SPIRE1: variants seen among roughly 807,000 people sequenced by gnomAD.
SPIRE1 encodes the protein protein spire homolog 1.
In SPIRE1, 40 loss-of-function variants were observed where a neutral mutation model predicts 94.1. The ratio of observed to expected loss-of-function variants is 0.43; its 90% CI spans 0.33 to 0.55. The LOEUF (loss-of-function observed/expected upper bound fraction) is 0.55. SPIRE1 is among the 20% of genes least tolerant of loss of function. The pLI is 0.06. For missense variants in SPIRE1, 838 were observed against 975.2 expected (o/e 0.86, Z 1.87); for synonymous variants, 376 against 371.7 (o/e 1.01, Z -0.13).
intron 4 of SPIRE1, among the ~76,000 whole-genome samples, chr18:12,531,854 A>G (rs1358229839): frequency 1.3e-5 from 2 of 152,206 alleles, no homozygotes; most frequent in Non-Finnish European, 2.9e-5. Flanking sequence ...AAATTTTACA[A>G]TTGAAACTGC....
chr18:12,531,980 T>C (rs2034695903), intron 4 of SPIRE1, among the ~76,000 whole-genome samples: 1 of 152,220 alleles, frequency 6.6e-6, no homozygotes, highest in Non-Finnish European at 1.5e-5. Flanking sequence ...ATGCACTCGA[T>C]GGATTGCTTA....
intron 10 of SPIRE1, among the ~76,000 whole-genome samples, chr18:12,471,685 T>C (rs1171263674): frequency 1.3e-5 from 2 of 152,232 alleles, no homozygotes; most frequent in African/African-American, 2.4e-5. Context: ...GTTCATGAGA[T>C]ACATGGACTT....
At chr18:12,555,817 TAGAGCAA>T (rs1454650903) in intron 2 of SPIRE1, among the ~76,000 whole-genome samples, 35 of 152,256 alleles carry the variant, frequency 2.3e-4, no homozygotes, top group Non-Finnish European at 4.0e-4. Context: ...AAGTCCTAGC[TAGAGCAA>T]TCAGACAACA....
At chr18:12,460,676 C>A (rs1421945646) in intron 12 of SPIRE1, among the ~76,000 whole-genome samples, 1 of 150,706 alleles carries the variant, frequency 6.6e-6, no homozygotes, top group African/African-American at 2.4e-5. Context: ...TGAGCCATTG[C>A]ACTCCAGCCT....
intron 2 of SPIRE1, among the ~76,000 whole-genome samples, chr18:12,585,083 CG>C (rs2036358998): frequency 6.6e-6 from 1 of 152,130 alleles, no homozygotes; most frequent in Non-Finnish European, 1.5e-5. Context: ...GGATTACAGG[CG>C]TGAGCTACCA....
At position 12,590,090 on chromosome 18, in the gene SPIRE1, C is replaced by CT. The variant is rs33962566; in HGVS notation, c.373-43187dup. Among the ~76,000 whole-genome samples, 287 of 143,044 alleles carry CT rather than the reference C, an allele frequency of 2.0e-3. 2 individuals carry two copies. The highest frequency in any genetic ancestry group is 3.1e-3 in the Non-Finnish European group (202 of 65,112). 93.8% of individuals were successfully genotyped at this position (143,044 alleles called of 152,430 possible). ...ATCCTAAAATGCCATCTCCTAATTT[C>CT]TTTTTTTTTTTTTTGAGACGGAGTT... is the stretch of plus-strand genomic sequence containing the variant. On this transcript the variant is annotated intron_variant, in intron 2 of 16. Coordinates refer to ENST00000409402, the MANE Select transcript of SPIRE1 (RefSeq NM_001128626.2).
intron 10 of SPIRE1, among the ~76,000 whole-genome samples, chr18:12,465,805 G>T (rs995777645): frequency 6.6e-6 from 1 of 152,102 alleles, no homozygotes; most frequent in East Asian, 1.9e-4. Context: ...TACATTGTGG[G>T]CCAGGTACGG....
At chr18:12,490,257 C>T (rs1209523524) in intron 8 of SPIRE1, among the ~76,000 whole-genome samples, 1 of 152,066 alleles carries the variant, frequency 6.6e-6, no homozygotes, top group Admixed American at 6.6e-5. Context: ...GTAGGGTTCC[C>T]ATTAGCAACT....
intron 4 of SPIRE1, among the ~76,000 whole-genome samples, chr18:12,533,493 T>C (rs761884782): frequency 1.2e-4 from 19 of 152,198 alleles, no homozygotes; most frequent in Non-Finnish European, 2.6e-4. Flanking sequence ...AGTGTGAATA[T>C]CCAATCATCA....
intron 12 of SPIRE1, among the ~76,000 whole-genome samples, chr18:12,455,390 T>C (rs1004407420): frequency 2.0e-5 from 3 of 152,204 alleles, no homozygotes; most frequent in African/African-American, 7.2e-5. Context: ...ATGAAACTAC[T>C]GGAGCATTTA....
At position 12,657,510 on chromosome 18, in the gene SPIRE1, A is replaced by C; in HGVS notation, c.337+20T>G. On this transcript the variant is annotated intron_variant, in intron 1 of 16. Coordinates refer to ENST00000409402, the MANE Select transcript of SPIRE1 (RefSeq NM_001128626.2). The stretch of plus-strand genomic sequence containing the variant: ...CGGGTGTTCCAAGAACTACGAGGGA[A>C]AGGGGCCCGGCGGCCTCACCCGCAA... 8.1e-7 allele frequency: 1 copy of C among 1,228,720 alleles called. No individual in the cohort carries two copies. The highest frequency in any genetic ancestry group is 1.0e-6 in the Non-Finnish European group (1 of 985,234). The allele number at this position is 1,228,720 out of a possible 1,614,324, so 76.1% of individuals were successfully genotyped here. A position where few individuals can be genotyped will look rare whatever the true frequency, so the allele number is the denominator to read the frequency against.
intron 4 of SPIRE1, among the ~76,000 whole-genome samples, chr18:12,527,416 T>A (rs922606597): frequency 2.0e-5 from 3 of 152,156 alleles, no homozygotes; most frequent in African/African-American, 7.2e-5. Flanking sequence ...AGTACTAACA[T>A]AAACAAAGGA....
chr18:12,620,926 T>C (rs1350411967), intron 2 of SPIRE1, among the ~76,000 whole-genome samples: 1 of 152,176 alleles, frequency 6.6e-6, no homozygotes, highest in Non-Finnish European at 1.5e-5. Context: ...ATCTACACTA[T>C]ATAAAGAACT....
At chr18:12,524,362 A>G (rs2034442688) in intron 4 of SPIRE1, among the ~76,000 whole-genome samples, 1 of 152,236 alleles carries the variant, frequency 6.6e-6, no homozygotes, top group Non-Finnish European at 1.5e-5. Context: ...ATTCAGAAGA[A>G]TTTGGCCGAT....
At chr18:12,544,716 C>T (rs2035111731) in intron 3 of SPIRE1, among the ~76,000 whole-genome samples, 1 of 152,134 alleles carries the variant, frequency 6.6e-6, no homozygotes, top group Admixed American at 6.5e-5. Flanking sequence ...GTTAGGGAAC[C>T]ACAGTAGCTC....
chr18:12,532,093 A>G (rs1269279195), intron 4 of SPIRE1, among the ~76,000 whole-genome samples: 2 of 152,204 alleles, frequency 1.3e-5, no homozygotes, highest in Non-Finnish European at 2.9e-5. Context: ...TTAAGAGACA[A>G]AGTAACAGCA....
At position 12,570,007 on chromosome 18, in the gene SPIRE1, C is replaced by T. The variant is rs578108789; in HGVS notation, c.373-23103G>A. On this transcript the variant is annotated intron_variant, in intron 2 of 16. Transcript: ENST00000409402. ...CTGCTTGTTCTCTAGCTGCCAGGTC[C>T]AGCCACTGAGGGCAGCCTCACTATT... Among the ~76,000 whole-genome samples the T allele has an allele frequency of 2.0e-5, 3 of 152,350 alleles. 1 individual carries two copies. The Middle Eastern group carries it at 0.01, about 518-fold the overall frequency.
At chr18:12,509,431 A>G (rs1306782088) in intron 5 of SPIRE1, among the ~76,000 whole-genome samples, 1 of 152,166 alleles carries the variant, frequency 6.6e-6, no homozygotes, top group Non-Finnish European at 1.5e-5. Flanking sequence ...GGCTGGGAAA[A>G]CCAATTTAAA....
chr18:12,464,910 A>G lies in SPIRE1; in HGVS notation c.1453T>C (p.Phe485Leu). The G allele has an allele frequency of 1.2e-6, 2 of 1,614,084 alleles. No individual in the cohort carries two copies. Among genetic ancestry groups the G allele is most frequent in the African/African-American group, 1.3e-5 (1 of 75,040 alleles). ...GCCTCCAGGACTGGCTCTTCAGGGA[A>G]AGAGGGAGACACGCTGCTGCTGCTG... ...STSSSSVSPS[F>L]PEEPVLEAVS... Residue 485 changes from phenylalanine to leucine, a missense_variant, in exon 11 of 17, where the codon TTC becomes CTC. Phe to Leu is a conservative substitution (Grantham distance 22). Transcript: ENST00000409402.
Sources: gnomAD v4.1 joint callset for allele counts (sites outside exome capture counted in the v4.1 genomes callset) on GRCh38, gnomAD v4.1.1 for gene constraint, MANE v1.5 for transcripts, NCBI Gene and HGNC (gene_info 2026-07-23, HGNC 2026-07-21) for gene names.